ZSCAN25: variants seen among roughly 807,000 people sequenced by gnomAD.
ZSCAN25 encodes the protein zinc finger and SCAN domain-containing protein 25.
In ZSCAN25, 27 loss-of-function variants were observed where a neutral mutation model predicts 38.7. The ratio of observed to expected loss-of-function variants is 0.70; its 90% CI spans 0.51 to 0.96. ZSCAN25 has a LOEUF of 0.96. ZSCAN25 is among the 40% of genes least tolerant of loss of function. The pLI, the probability that ZSCAN25 is intolerant of heterozygous loss-of-function variation, is 0.00. For missense variants in ZSCAN25, 637 were observed against 705.9 expected (o/e 0.90, Z 1.11); for synonymous variants, 273 against 277.7 (o/e 0.98, Z 0.17).
chr7:99,689,097 A>T, the ZSCAN25 span, among the ~76,000 whole-genome samples: 1 of 152,238 alleles, frequency 6.6e-6, no homozygotes, highest in South Asian at 2.1e-4. Context: ...CTAACATCAC[A>T]ATTAAAAGAA....
chr7:99,737,895 T>A, the ZSCAN25 span, among the ~76,000 whole-genome samples: 1 of 152,208 alleles, frequency 6.6e-6, no homozygotes, highest in African/African-American at 2.4e-5. Flanking sequence ...GAAAGTAACA[T>A]CTTCTAACAT....
the ZSCAN25 span, among the ~76,000 whole-genome samples, chr7:99,680,919 A>G: frequency 6.6e-6 from 1 of 152,218 alleles, no homozygotes; most frequent in Admixed American, 6.5e-5. Flanking sequence ...TCATCTATTC[A>G]TTCCTGTATT....
the ZSCAN25 span, among the ~76,000 whole-genome samples, chr7:99,728,972 G>A: frequency 6.6e-6 from 1 of 152,252 alleles, no homozygotes; most frequent in African/African-American, 2.4e-5. Flanking sequence ...TGCTGAAAAA[G>A]GAGTACTCTA....
Position 99,630,266 on chromosome 7 carries a change from C to G in ZSCAN25, c.*246C>G. 7.7e-7 allele frequency: 1 copy of G among 1,304,650 alleles called. No individual in the cohort carries two copies. Among genetic ancestry groups the G allele is most frequent in the Non-Finnish European group, 9.7e-7 (1 of 1,028,776 alleles). 80.8% of individuals were successfully genotyped at this position (1,304,650 alleles called of 1,614,324 possible). A position where few individuals can be genotyped will look rare whatever the true frequency, so the allele number is the denominator to read the frequency against. On this transcript the variant is annotated 3_prime_UTR_variant, in exon 8 of 8. Transcript: ENST00000394152. Reference sequence around the variant, plus strand: ...GGAAGCAGTCTCCTGCGGTTCAGTTCAGGCTGAGATTTTCTCCTTCAGTGG... The same window carrying G: ...GGAAGCAGTCTCCTGCGGTTCAGTTGAGGCTGAGATTTTCTCCTTCAGTGG...
chr7:99,734,912 C>T, the ZSCAN25 span: 80 of 1,542,120 alleles, frequency 5.2e-5, 1 homozygote, highest in East Asian at 9.8e-4. Flanking sequence ...TGAGCCACCA[C>T]GGCCAGCCTG....
At chr7:99,683,104 T>C in the ZSCAN25 span, among the ~76,000 whole-genome samples, 3 of 152,220 alleles carry the variant, frequency 2.0e-5, no homozygotes, top group Admixed American at 2.0e-4. Context: ...CAAACATTAC[T>C]TGGAAATCAT....
the ZSCAN25 span, chr7:99,714,673 G>A: frequency 6.2e-7 from 1 of 1,611,964 alleles, no homozygotes; most frequent in Non-Finnish European, 8.5e-7. Flanking sequence ...GGTAAGGAAT[G>A]GAAAGACTTC....
the ZSCAN25 span, chr7:99,663,862 TTC>T: frequency 6.9e-7 from 1 of 1,442,916 alleles, no homozygotes; most frequent in Non-Finnish European, 9.1e-7. Flanking sequence ...TAAACATAAG[TTC>T]TCTGTCTTTA....
chr7:99,632,115 C>T lies in ZSCAN25; in HGVS notation c.*2095C>T, dbSNP rs1289269067. On this transcript the variant is annotated 3_prime_UTR_variant, in exon 8 of 8. Transcript: ENST00000394152. ...TCTGGGTTTCAGCAAGTTGGCATAT[C>T]TTAAGCTTCAGAAGGAGCTGGGCCT... 1.0e-6 allele frequency: 1 copy of T among 985,320 alleles called. No homozygotes were observed. Among genetic ancestry groups the T allele is most frequent in the East Asian group, 1.1e-4 (1 of 8,810 alleles). 61.0% of individuals were successfully genotyped at this position (985,320 alleles called of 1,614,324 possible).
At chr7:99,617,715 G>T (rs1027661079) in intron 1 of ZSCAN25, among the ~76,000 whole-genome samples, 14 of 152,230 alleles carry the variant, frequency 9.2e-5, no homozygotes, top group African/African-American at 2.9e-4. Context: ...TCCAGCTGGG[G>T]TGATAAAACC....
the ZSCAN25 span, chr7:99,647,912 CGT>C: frequency 1.2e-3 from 1,223 of 982,110 alleles, 12 homozygotes; most frequent in African/African-American, 0.02. Context: ...ACAAATAAAA[CGT>C]GATATAAATG....
chr7:99,735,030 G>T, the ZSCAN25 span: 1 of 1,614,102 alleles, frequency 6.2e-7, no homozygotes, highest in Non-Finnish European at 8.5e-7. Context: ...CACAGATAGA[G>T]GAGTATCAGG....
intron 5 of ZSCAN25, 145 bp from the exon 6 acceptor site, chr7:99,622,404 G>A (rs2151267186): frequency 1.3e-6 from 1 of 783,924 alleles, no homozygotes. Flanking sequence ...ATGGGAAAGT[G>A]TGGTACCAGA....
the ZSCAN25 span, among the ~76,000 whole-genome samples, chr7:99,700,678 T>G: frequency 6.6e-6 from 1 of 152,110 alleles, no homozygotes; most frequent in African/African-American, 2.4e-5. Context: ...TTAGCAGAGG[T>G]GAGTTCCTCA....
At chr7:99,735,841 A>G in the ZSCAN25 span, among the ~76,000 whole-genome samples, 1 of 152,170 alleles carries the variant, frequency 6.6e-6, no homozygotes, top group African/African-American at 2.4e-5. Flanking sequence ...GGTGCTGTAC[A>G]CACAGTGGGG....
At position 99,629,084 on chromosome 7, in the gene ZSCAN25, GA is replaced by G; in HGVS notation, c.806-101del. 6.8e-7 allele frequency: 1 copy of G among 1,461,934 alleles called. No homozygotes were observed. Among genetic ancestry groups the G allele is most frequent in the South Asian group, 1.4e-5 (1 of 69,132 alleles). The allele number at this position is 1,461,934 out of a possible 1,614,324, so 90.6% of individuals were successfully genotyped here. On this transcript the variant is annotated intron_variant, in intron 7 of 7. Transcript: ENST00000394152. This position sits in a 1 kb window ranked among gnomAD's most constrained non-coding sequence, Gnocchi z 5.6. Reference sequence around the variant, plus strand: ...CCTGAGTTGAGGTTGTTGGTCAAAGGAAAAAAGAGAAGGAACCATGAATGGG... The same window carrying G: ...CCTGAGTTGAGGTTGTTGGTCAAAGGAAAAAGAGAAGGAACCATGAATGGG...
chr7:99,630,775 A>G lies in ZSCAN25; in HGVS notation c.*755A>G, dbSNP rs940431939. 3.0e-6 allele frequency: 3 copies of G among 985,472 alleles called. No individual in the cohort carries two copies. The highest frequency in any genetic ancestry group is 1.7e-5 in the African/African-American group (1 of 57,364). The allele number at this position is 985,472 out of a possible 1,614,324, so 61.0% of individuals were successfully genotyped here. On this transcript the variant is annotated 3_prime_UTR_variant, in exon 8 of 8. Coordinates refer to ENST00000394152, the MANE Select transcript of ZSCAN25 (RefSeq NM_145115.3). Reference sequence around the variant, plus strand: ...TTCCCCGTCCATTATTCCTTGCACTATAACAACTGTCAACACACCAACTAT... The same window carrying G: ...TTCCCCGTCCATTATTCCTTGCACTGTAACAACTGTCAACACACCAACTAT...
At chr7:99,660,690 ATCAGG>A in the ZSCAN25 span, 1 of 1,611,930 alleles carries the variant, frequency 6.2e-7, no homozygotes, top group Non-Finnish European at 8.5e-7. Context: ...TTTTAGGTAA[ATCAGG>A]TCAACGTACA....
At chr7:99,680,708 T>C in the ZSCAN25 span, among the ~76,000 whole-genome samples, 1 of 152,196 alleles carries the variant, frequency 6.6e-6, no homozygotes, top group Admixed American at 6.5e-5. Context: ...TAATGGTTGC[T>C]TGGGACTCAA....
Sources: gnomAD v4.1 joint callset for allele counts (sites outside exome capture counted in the v4.1 genomes callset) on GRCh38, gnomAD v4.1.1 for gene constraint, Gnocchi (gnomAD v3.1) non-coding constraint, MANE v1.5 for transcripts, NCBI Gene and HGNC (gene_info 2026-07-23, HGNC 2026-07-21) for gene names.